CHD7: variants seen among roughly 807,000 people sequenced by gnomAD.
The protein encoded by CHD7 is chromodomain helicase DNA binding protein 7.
In CHD7, 24 loss-of-function variants were observed where a neutral mutation model predicts 307.3. The ratio of observed to expected loss-of-function variants is 0.08; its 90% CI spans 0.06 to 0.11. The LOEUF (loss-of-function observed/expected upper bound fraction) is 0.11. Ranked by LOEUF, CHD7 falls within the 10% of genes least tolerant of loss-of-function variation. The probability of loss-of-function intolerance (pLI) is 1.00; values close to 1 mark genes in which losing one functional copy is unlikely to be tolerated. For synonymous variants in CHD7, 1,363 were observed against 1,349.9 expected (o/e 1.01, Z -0.21); for missense variants, 3,106 against 3,727.1 (o/e 0.83, Z 4.34).
rs746897837 is a variant in CHD7 at position 60,865,434 on chromosome 8, G to A, written c.8495G>A (p.Ser2832Asn). The A allele has an allele frequency of 5.6e-6, 9 of 1,613,828 alleles. 1 individual carries two copies. In the South Asian group the frequency reaches 9.9e-5, roughly 18 times the overall value. ...AATGNTTTASSQGEPEDSTSK... is the reference protein window; with the variant it reads ...AATGNTTTASNQGEPEDSTSK... ...ACTGGAAACACCACTACTGCTTCTA[G>A]TCAAGGAGAACCGGAAGACAGCACT... Residue 2832 changes from serine to asparagine, a missense_variant, in exon 38 of 38, where the codon AGT (serine) becomes AAT (asparagine). Around this residue, in one of 10 missense-constraint regions of CHD7, gnomAD observed 351 missense variants for 366.2 expected, o/e 0.96. Coordinates refer to ENST00000423902, the MANE Select transcript of CHD7 (RefSeq NM_017780.4). The surrounding 1 kb of genome is among the most constrained non-coding windows in gnomAD (Gnocchi z 4.3).
At chr8:60,739,188 A>G (rs1320898051) in intron 1 of CHD7, among the ~76,000 whole-genome samples, 2 of 152,104 alleles carry the variant, frequency 1.3e-5, no homozygotes, top group Non-Finnish European at 2.9e-5. Flanking sequence ...ATTTCTTCCC[A>G]TAACAGTTGG....
At chr8:60,860,445 A>G (rs1229295351) in intron 34 of CHD7, among the ~76,000 whole-genome samples, 40 of 151,972 alleles carry the variant, frequency 2.6e-4, no homozygotes, top group Admixed American at 2.6e-3. Context: ...TTTTATTTTT[A>G]TTTTTTTGAG....
rs1312406319 is a variant in CHD7 at position 60,781,258 on chromosome 8, A to C, written c.1924A>C (p.Lys642Gln). The change falls in exon 3 of 38, where the codon AAG (lysine) becomes CAG (glutamine). Residue 642 changes from lysine to glutamine, a missense_variant. By Grantham distance (53) the Lys-to-Gln change is moderately conservative. Transcript: ENST00000423902. ...NSLDGSQEEK[K>Q]KKKRSKAKKD... ...ACTGGATGGGTCCCAAGAAGAAAAA[A>C]AGAAAAAGAAAAGGTCAAAGGCAAA... The C allele has an allele frequency of 6.4e-7, 1 of 1,567,042 alleles. No homozygotes were observed. Among genetic ancestry groups the C allele is most frequent in the Non-Finnish European group, 8.7e-7 (1 of 1,155,832 alleles).
chr8:60,742,065 C>T lies in CHD7; in HGVS notation c.633C>T (p.Ser211=). The part of the protein sequence containing the change: ...QQHGQPQQRM[S]QFSQGQEGLN... ...ATGGTCAGCCACAGCAGAGGATGAG[C>T]CAGTTTTCCCAAGGCCAAGAGGGCC... The change falls in exon 2 of 38, where the codon AGC becomes AGT. Residue 211 remains serine (S), a synonymous_variant. Coordinates refer to ENST00000423902, the MANE Select transcript of CHD7 (RefSeq NM_017780.4). 1.2e-6 allele frequency: 2 copies of T among 1,613,880 alleles called. No individual in the cohort carries two copies. Among genetic ancestry groups the T allele is most frequent in the Non-Finnish European group, 1.7e-6 (2 of 1,179,880 alleles).
At chr8:60,726,189 C>T (rs1454478602) in intron 1 of CHD7, among the ~76,000 whole-genome samples, 1 of 152,152 alleles carries the variant, frequency 6.6e-6, no homozygotes, top group African/African-American at 2.4e-5. Context: ...ATCTGTGCTT[C>T]TTGAAATTTG....
At chr8:60,715,604 C>T (rs2150532755) in intron 1 of CHD7, among the ~76,000 whole-genome samples, 1 of 152,182 alleles carries the variant, frequency 6.6e-6, no homozygotes, top group East Asian at 1.9e-4. Context: ...CAGGCGTGAG[C>T]CACCGCGCCC....
rs1171730667 is a variant in CHD7 at position 60,850,494 on chromosome 8, C to T, written c.5406C>T (p.Gly1802=). The change falls in exon 26 of 38, where the codon GGC becomes GGT. Residue 1802 remains glycine, a splice_region_variant and synonymous_variant. Coordinates refer to ENST00000423902, the MANE Select transcript of CHD7 (RefSeq NM_017780.4). The stretch of plus-strand genomic sequence containing the variant: ...TGTGCACGGATGGGCACGGCACAGG[C>T]TATGAGAAGTACAACTCCATGCGAG... ...KSLLIGVFKH[G]YEKYNSMRAD... The T allele has an allele frequency of 2.5e-6, 4 of 1,610,888 alleles. No individual in the cohort carries two copies. The South Asian group carries it at 4.4e-5, about 18-fold the overall frequency.
At chr8:60,726,313 A>G (rs151012765) in intron 1 of CHD7, among the ~76,000 whole-genome samples, 2 of 152,342 alleles carry the variant, frequency 1.3e-5, no homozygotes, top group East Asian at 3.9e-4. Context: ...GACTTTTGCC[A>G]TTCTCTTCAG....
At chr8:60,819,878 A>T in intron 8 of CHD7, 129 bp from the exon 9 acceptor site, 1 of 646,638 alleles carries the variant, frequency 1.5e-6, no homozygotes, top group Non-Finnish European at 2.7e-6. Context: ...CAATTAATAT[A>T]ATAGAATTTG....
At chr8:60,803,435 A>G (rs1352123219) in intron 6 of CHD7, among the ~76,000 whole-genome samples, 6 of 152,126 alleles carry the variant, frequency 3.9e-5, no homozygotes, top group Non-Finnish European at 8.8e-5. Flanking sequence ...GCTACCTTTT[A>G]AAAATAGGTA....
chr8:60,736,183 C>G (rs1563554508), intron 1 of CHD7, among the ~76,000 whole-genome samples: 1 of 152,130 alleles, frequency 6.6e-6, no homozygotes, highest in Non-Finnish European at 1.5e-5. Flanking sequence ...ACTTGGGGGG[C>G]ACTTCCTGAT....
In CHD7 at chr8:60,786,987, A is replaced by T. The variant is rs73684572; in HGVS notation, c.2096+5557A>T. Among the ~76,000 whole-genome samples the T allele has an allele frequency of 3.3e-5, 5 of 152,322 alleles. No individual in the cohort carries two copies. In the East Asian group the frequency reaches 9.6e-4, roughly 29 times the overall value. Reference sequence around the variant, plus strand: ...TATGTAGAAGTCTATGTGACTTAGCATTCAGACGTTAAATAGGAAATGGAG... The same window carrying T: ...TATGTAGAAGTCTATGTGACTTAGCTTTCAGACGTTAAATAGGAAATGGAG... On this transcript the variant is annotated intron_variant, in intron 3 of 37. Coordinates refer to ENST00000423902, the MANE Select transcript of CHD7 (RefSeq NM_017780.4).
At chr8:60,812,725 T>C (rs1812871409) in intron 7 of CHD7, among the ~76,000 whole-genome samples, 1 of 151,806 alleles carries the variant, frequency 6.6e-6, no homozygotes. Context: ...CTTTATTTTG[T>C]CCTAAAGTTT....
chr8:60,801,733 A>G, intron 6 of CHD7, 140 bp downstream of exon 6: 1 of 622,414 alleles, frequency 1.6e-6, no homozygotes, highest in Non-Finnish European at 2.8e-6. Flanking sequence ...TAATTTATTA[A>G]CCCAATATGA....
intron 1 of CHD7, among the ~76,000 whole-genome samples, chr8:60,682,339 A>C (rs1028739909): frequency 6.6e-6 from 1 of 152,236 alleles, no homozygotes; most frequent in Non-Finnish European, 1.5e-5. Flanking sequence ...ACATCAAGGA[A>C]ATGTTACAAC....
chr8:60,759,605 C>A (rs1011785704), intron 2 of CHD7, among the ~76,000 whole-genome samples: 4 of 152,124 alleles, frequency 2.6e-5, no homozygotes, highest in Admixed American at 2.0e-4. Flanking sequence ...GCCTGGTACT[C>A]CGTAATTGAG....
chr8:60,844,999 C>T lies in CHD7; in HGVS notation c.4986C>T (p.Ser1662=). The T allele has an allele frequency of 6.2e-7, 1 of 1,613,984 alleles. No individual in the cohort carries two copies. Among genetic ancestry groups the T allele is most frequent in the African/African-American group, 1.3e-5 (1 of 75,036 alleles). Residue 1662 remains serine (S), a synonymous_variant, in exon 22 of 38, where the codon AGC becomes AGT. Coordinates refer to ENST00000423902, the MANE Select transcript of CHD7 (RefSeq NM_017780.4). ...ACAAAGGGGATGAGAATATCAAAAGCTTCATCTGGGATCTGATCACACCCA... is the reference window on the plus strand; with the variant it reads ...ACAAAGGGGATGAGAATATCAAAAGTTTCATCTGGGATCTGATCACACCCA... ...NHYKGDENIK[S]FIWDLITPTA...
chr8:60,856,619 G>T lies in CHD7; in HGVS notation c.7339G>T (p.Ala2447Ser), dbSNP rs1430047995. ...AGAAAAAGTTGTAGATTTATCAAAG[G>T]CCTCAAGAGAGGCAACAAGCTCTAC... ...GQEKVVDLSK[A>S]SREATSSTSN... Residue 2447 changes from alanine to serine, a missense_variant, in exon 34 of 38, where the codon GCC becomes TCC. Ala to Ser is a moderately conservative substitution (Grantham distance 99, BLOSUM62 1). Coordinates refer to ENST00000423902, the MANE Select transcript of CHD7 (RefSeq NM_017780.4). 1.2e-6 allele frequency: 2 copies of T among 1,614,048 alleles called. No homozygotes were observed. Among genetic ancestry groups the T allele is most frequent in the Non-Finnish European group, 1.7e-6 (2 of 1,179,904 alleles).
intron 1 of CHD7, among the ~76,000 whole-genome samples, chr8:60,722,819 A>C (rs1035670285): frequency 9.2e-5 from 14 of 152,324 alleles, no homozygotes; most frequent in African/African-American, 3.4e-4. Context: ...ATCTGGTCTC[A>C]TGTGGACATG....
Sources: allele counts gnomAD v4.1 joint callset (sites outside exome capture counted in the v4.1 genomes callset), GRCh38; gene constraint gnomAD v4.1.1; regional missense constraint gnomAD v4.1.1; non-coding constraint Gnocchi (gnomAD v3.1); transcripts MANE v1.5; gene names NCBI Gene and HGNC (gene_info 2026-07-23, HGNC 2026-07-21).